The following VIT variants were observed in gnomAD, a reference collection of about 807,000 sequenced individuals.
VIT encodes vitrin.
VIT carries 99 observed loss-of-function variants against 78.0 expected under a neutral mutation model. The observed-to-expected ratio is 1.27, with a 90% CI of 1.08 to 1.50. The LOEUF (loss-of-function observed/expected upper bound fraction) is 1.50, where lower values mean the gene tolerates loss of function less well. Ranked by LOEUF, VIT falls within the 40% of genes most tolerant of loss-of-function variation. VIT has a pLI of 0.00. For synonymous variants in VIT, 374 were observed against 334.3 expected (o/e 1.12, Z -1.29); for missense variants, 1,126 against 875.3 (o/e 1.29, Z -3.61).
chr2:36,785,259 G>A (rs1167227222), intron 11 of VIT, among the ~76,000 whole-genome samples: 1 of 152,176 alleles, frequency 6.6e-6, no homozygotes, highest in Non-Finnish European at 1.5e-5. Context: ...GGAATCACCT[G>A]GGGATCTTGT....
chr2:36,730,817 C>T (rs971919114), intron 3 of VIT, among the ~76,000 whole-genome samples: 4 of 152,120 alleles, frequency 2.6e-5, no homozygotes, highest in Admixed American at 1.3e-4. Flanking sequence ...TACCCAAAGG[C>T]GTGAAAGTCC....
Position 36,767,147 on chromosome 2 carries a change from C to T in VIT, c.541C>T (p.Pro181Ser). The T allele has an allele frequency of 6.2e-7, 1 of 1,609,018 alleles. No homozygotes were observed. The highest frequency in any genetic ancestry group is 8.5e-7 in the Non-Finnish European group (1 of 1,177,974). ...ACCTATTCCAGGGACAACTGCACAG[C>T]CGGTCACTCTGATGCAGCTTCTGGC... The part of the protein sequence containing the change: ...RPPIPGTTAQ[P>S]VTLMQLLAVT... Residue 181 changes from proline to serine, a missense_variant, in exon 7 of 16, where the codon CCG becomes TCG. By Grantham distance (74) the Pro-to-Ser change is moderately conservative (BLOSUM62 -1). Transcript: ENST00000379242.
chr2:36,775,422 G>C (rs758598061), intron 9 of VIT, among the ~76,000 whole-genome samples: 7 of 152,138 alleles, frequency 4.6e-5, no homozygotes, highest in Non-Finnish European at 1.0e-4. Flanking sequence ...TACAGCACAT[G>C]GTTCGGATAT....
chr2:36,738,222 G>A (rs906052955), intron 3 of VIT, among the ~76,000 whole-genome samples: 2 of 152,196 alleles, frequency 1.3e-5, no homozygotes. Flanking sequence ...TAGAGAAGCT[G>A]CAGTTTAACT....
At chr2:36,774,911 A>T (rs1669959435) in intron 8 of VIT, 91 bp from the exon 9 acceptor site, 1 of 1,579,146 alleles carries the variant, frequency 6.3e-7, no homozygotes, top group East Asian at 2.3e-5. Context: ...GGAAAATCTG[A>T]ACTAAGGTAA....
chr2:36,742,965 T>C (rs1667922916), intron 3 of VIT, 135 bp from the exon 4 acceptor site: 2 of 1,064,688 alleles, frequency 1.9e-6, no homozygotes, highest in African/African-American at 3.2e-5. Flanking sequence ...TTTGCTTTCA[T>C]TATAGGGAGG....
intron 4 of VIT, 76 bp downstream of exon 4, chr2:36,743,332 T>C (rs1667952615): frequency 5.7e-6 from 8 of 1,400,848 alleles, no homozygotes; most frequent in Admixed American, 2.3e-5. Context: ...AAGGTTGCCA[T>C]ATTTAGCAAG....
At chr2:36,812,119 C>T (rs533625894) in intron 15 of VIT, among the ~76,000 whole-genome samples, 2 of 152,284 alleles carry the variant, frequency 1.3e-5, no homozygotes, top group South Asian at 4.2e-4. Flanking sequence ...CTTTAAAGCC[C>T]AAAGCTGGCT....
intron 6 of VIT, among the ~76,000 whole-genome samples, chr2:36,760,770 C>T (rs1246851207): frequency 6.6e-6 from 1 of 152,234 alleles, no homozygotes; most frequent in African/African-American, 2.4e-5. Flanking sequence ...TCACTCCTTT[C>T]TCCAAGGTAG....
At chr2:36,717,822 T>A (rs889976467) in intron 2 of VIT, among the ~76,000 whole-genome samples, 1 of 152,108 alleles carries the variant, frequency 6.6e-6, no homozygotes. Flanking sequence ...CTGGGTGGAT[T>A]AGGACAACAA....
chr2:36,723,511 A>G (rs72869232), intron 2 of VIT, among the ~76,000 whole-genome samples: 2,304 of 152,310 alleles, frequency 0.015, 55 homozygotes, highest in Middle Eastern at 0.051. Context: ...TGATACAGGA[A>G]AACACCCCCT....
chr2:36,745,504 A>G (rs1372664056), intron 4 of VIT, among the ~76,000 whole-genome samples: 1 of 152,028 alleles, frequency 6.6e-6, no homozygotes, highest in Non-Finnish European at 1.5e-5. Flanking sequence ...GTGTTTTACA[A>G]TTCTCCTTGT....
At chr2:36,784,134 A>T (rs1486070012) in intron 11 of VIT, among the ~76,000 whole-genome samples, 2 of 152,228 alleles carry the variant, frequency 1.3e-5, no homozygotes, top group Non-Finnish European at 2.9e-5. Flanking sequence ...CCACCTGAGG[A>T]TATCAGAAAG....
intron 1 of VIT, among the ~76,000 whole-genome samples, chr2:36,699,599 TAG>T (rs2148401623): frequency 7.0e-6 from 1 of 143,812 alleles, no homozygotes; most frequent in Admixed American, 7.4e-5. Flanking sequence ...GATATAGATA[TAG>T]ATATAGATAT....
intron 3 of VIT, among the ~76,000 whole-genome samples, chr2:36,742,292 A>G (rs938345552): frequency 1.3e-5 from 2 of 152,170 alleles, no homozygotes; most frequent in Non-Finnish European, 2.9e-5. Flanking sequence ...AGCTTCAGCA[A>G]ACTTGCCTAC....
chr2:36,699,626 G>GTAGGTAGGTAGATAGATAGA (rs372689790), intron 1 of VIT, among the ~76,000 whole-genome samples: 55 of 141,978 alleles, frequency 3.9e-4, no homozygotes, highest in African/African-American at 9.8e-4. Context: ...AGATATATAG[G>GTAGGTAGGTAGATAGATAGA]TAGATAGATA....
rs188146900 is a variant in VIT, at chr2:36,753,140, C to T, written c.276-1781C>T. On this transcript the variant is annotated intron_variant, in intron 4 of 15. Transcript: ENST00000379242. ...CAAATACCGCATGTTCTCACTTATA[C>T]GTGGGAGCTGCTGATGAGAACACAC... Among the ~76,000 whole-genome samples, 29 of 150,924 alleles carry T rather than the reference C, an allele frequency of 1.9e-4. No homozygotes were observed. The East Asian group carries it at 4.3e-3, about 22-fold the overall frequency.
chr2:36,701,848 G>C lies in VIT; in HGVS notation c.-19+4875G>C, dbSNP rs879522399. Among the ~76,000 whole-genome samples, 49 of 152,200 alleles carry C rather than the reference G, an allele frequency of 3.2e-4. 1 individual carries two copies. Among genetic ancestry groups the C allele is most frequent in the Non-Finnish European group, 5.7e-4 (39 of 68,042 alleles). On this transcript the variant is annotated intron_variant, in intron 1 of 15. Transcript: ENST00000379242. ...TCCAAAAGGCAAAAAGAATTCAGGG[G>C]AAGAGAGATAACATTCAACAACAGC...
chr2:36,745,118 G>C lies in VIT; in HGVS notation c.275+1862G>C, dbSNP rs80037483. ...TTTGTGTCAACTTTGTGGACAATCA[G>C]ATAGTTGCAGGTGTATGGCTTTATT... On this transcript the variant is annotated intron_variant, in intron 4 of 15. Transcript: ENST00000379242. Among the ~76,000 whole-genome samples the C allele has an allele frequency of 3.0e-3, 458 of 152,220 alleles. 2 individuals carry two copies. Among genetic ancestry groups the C allele is most frequent in the Non-Finnish European group, 4.7e-3 (320 of 67,984 alleles).
Sources: gnomAD v4.1 joint callset for allele counts (sites outside exome capture counted in the v4.1 genomes callset) on GRCh38, gnomAD v4.1.1 for gene constraint, MANE v1.5 for transcripts, NCBI Gene and HGNC (gene_info 2026-07-23, HGNC 2026-07-21) for gene names.